Variants in CDC42BPA observed in about 807,000 individuals in gnomAD.
CDC42BPA encodes serine/threonine-protein kinase MRCK alpha.
Under a neutral mutation model 223.5 loss-of-function variants are expected in CDC42BPA, and 80 were observed. The observed-to-expected ratio is 0.36, with a 90% CI of 0.30 to 0.43. The LOEUF is 0.43. CDC42BPA is among the 20% of genes least tolerant of loss of function. CDC42BPA has a pLI of 1.00. For synonymous variants in CDC42BPA, 694 were observed against 718.6 expected (o/e 0.97, Z 0.55); for missense variants, 1,743 against 2,099.9 (o/e 0.83, Z 3.32).
intron 12 of CDC42BPA, among the ~76,000 whole-genome samples, chr1:227,114,971 G>A (rs1191021309): frequency 6.6e-6 from 1 of 152,012 alleles, no homozygotes; most frequent in African/African-American, 2.4e-5. Context: ...AGACTAGAGA[G>A]TAAACTAAAA....
At chr1:227,049,699 C>T (rs981897568) in intron 22 of CDC42BPA, among the ~76,000 whole-genome samples, 4 of 151,994 alleles carry the variant, frequency 2.6e-5, no homozygotes, top group African/African-American at 9.7e-5. Context: ...GCAGGAAAAA[C>T]CAAAAGAACA....
chr1:227,111,189 C>T (rs918933474), intron 14 of CDC42BPA, among the ~76,000 whole-genome samples: 3 of 152,118 alleles, frequency 2.0e-5, no homozygotes, highest in Non-Finnish European at 4.4e-5. Flanking sequence ...AGACACTAGA[C>T]TAAGCATGGT....
intron 6 of CDC42BPA, among the ~76,000 whole-genome samples, chr1:227,152,090 T>C (rs1267391895): frequency 6.6e-6 from 1 of 152,094 alleles, no homozygotes; most frequent in African/African-American, 2.4e-5. Context: ...TTGTTCTTTG[T>C]TGCTGACTTG....
At chr1:227,278,320 G>A (rs1380095909) in intron 1 of CDC42BPA, among the ~76,000 whole-genome samples, 1 of 152,122 alleles carries the variant, frequency 6.6e-6, no homozygotes, top group Non-Finnish European at 1.5e-5. Flanking sequence ...GATTGCGTAT[G>A]TGCTTTAAAT....
chr1:227,136,973 C>A (rs10799386), intron 10 of CDC42BPA, among the ~76,000 whole-genome samples: 141,639 of 152,150 alleles, frequency 0.93, 66,111 homozygotes, highest in South Asian at 0.98. Flanking sequence ...AAGCACCAAA[C>A]GGGTAAATAT....
At chr1:227,252,631 C>T (rs569546872) in intron 2 of CDC42BPA, among the ~76,000 whole-genome samples, 1 of 152,220 alleles carries the variant, frequency 6.6e-6, no homozygotes, top group East Asian at 1.9e-4. Context: ...TGCAAAGATC[C>T]TATCAACACA....
At chr1:227,139,776 T>G (rs767033148) in intron 9 of CDC42BPA, 34 bp from the exon 10 acceptor site, 2 of 1,345,738 alleles carry the variant, frequency 1.5e-6, no homozygotes, top group Admixed American at 2.7e-5. Context: ...AGGTTCATAC[T>G]GTGATAAAAA....
At chr1:227,162,614 T>C (rs1283945189) in intron 5 of CDC42BPA, among the ~76,000 whole-genome samples, 2 of 152,118 alleles carry the variant, frequency 1.3e-5, no homozygotes, top group Non-Finnish European at 2.9e-5. Context: ...GAGGATTACT[T>C]GAGCCCAGGA....
intron 23 of CDC42BPA, among the ~76,000 whole-genome samples, chr1:227,043,876 T>C (rs1671885832): frequency 6.6e-6 from 1 of 152,148 alleles, no homozygotes; most frequent in African/African-American, 2.4e-5. Context: ...GAAAGAGATT[T>C]TTCTGATGAA....
rs138183840 is a variant in CDC42BPA at position 227,184,212 on chromosome 1, A to G, written c.599+9574T>C. 4.3e-3 allele frequency among the ~76,000 whole-genome samples: 649 copies of G among 152,140 alleles called. 3 individuals are homozygous for G. The highest frequency in any genetic ancestry group is 6.4e-3 in the Non-Finnish European group (437 of 67,970). On this transcript the variant is annotated intron_variant, in intron 5 of 36. Transcript: ENST00000366766. ...TTTTAATTTTAATGAAGTCCCATTT[A>G]TTCATTTTTATTGATTTTTTTTGTC... is the stretch of plus-strand genomic sequence containing the variant.
intron 23 of CDC42BPA, among the ~76,000 whole-genome samples, chr1:227,041,840 C>T (rs1186050313): frequency 4.6e-5 from 7 of 152,104 alleles, no homozygotes; most frequent in Non-Finnish European, 8.8e-5. Flanking sequence ...TGCAACTGCT[C>T]CTATAGCTTC....
intron 6 of CDC42BPA, among the ~76,000 whole-genome samples, chr1:227,158,670 GTGTTAGC>G (rs1189058973): frequency 1.3e-5 from 2 of 152,142 alleles, no homozygotes; most frequent in African/African-American, 2.4e-5. Flanking sequence ...TGATACAAAG[GTGTTAGC>G]TGGCTCTCCA....
At position 227,212,092 on chromosome 1, in the gene CDC42BPA, GT is replaced by G. The variant is rs372804943; in HGVS notation, c.354+1043del. Among the ~76,000 whole-genome samples the G allele has an allele frequency of 2.7e-5, 4 of 150,194 alleles. No individual in the cohort carries two copies. The East Asian group carries it at 5.8e-4, about 22-fold the overall frequency. On this transcript the variant is annotated intron_variant, in intron 3 of 36. Transcript: ENST00000366766. The stretch of plus-strand genomic sequence containing the variant: ...CACTTCTGAGGGTTTTTGTTTGTTT[GT>G]TTTTTTTAGTTTAAAAAAAAAAACT...
At position 227,139,655 on chromosome 1, in the gene CDC42BPA, G is replaced by A. The variant is rs754252697; in HGVS notation, c.1311C>T (p.Asn437=). 7.4e-6 allele frequency: 12 copies of A among 1,611,540 alleles called. No homozygotes were observed. In the African/African-American group the frequency reaches 1.5e-4, roughly 20 times the overall value. Reference sequence around the variant, plus strand: ...TTTCATAAGCTTCAGTTGCTAAGTTGTTGTCTAGAGTCCTCTGAACATTAA... The same window carrying A: ...TTTCATAAGCTTCAGTTGCTAAGTTATTGTCTAGAGTCCTCTGAACATTAA... ...LDVNVQRTLD[N]NLATEAYERR... The change falls in exon 10 of 37, where the codon AAC becomes AAT. Residue 437 remains asparagine (N), a synonymous_variant. Coordinates refer to ENST00000366766, the MANE Select transcript of CDC42BPA (RefSeq NM_001394014.1).
chr1:227,016,554 C>T (rs1217736334), intron 33 of CDC42BPA, among the ~76,000 whole-genome samples: 1 of 152,144 alleles, frequency 6.6e-6, no homozygotes, highest in Admixed American at 6.5e-5. Flanking sequence ...TACAGTCCTA[C>T]TTCTGTTTGC....
At chr1:227,105,318 C>T (rs2149341813) in intron 14 of CDC42BPA, among the ~76,000 whole-genome samples, 1 of 151,088 alleles carries the variant, frequency 6.6e-6, no homozygotes, top group African/African-American at 2.4e-5. Context: ...ACCCTGGTAA[C>T]CTCTATTCTA....
At chr1:227,263,709 G>C (rs1165984946) in intron 1 of CDC42BPA, among the ~76,000 whole-genome samples, 1 of 151,620 alleles carries the variant, frequency 6.6e-6, no homozygotes, top group African/African-American at 2.4e-5. Flanking sequence ...AGGCTCCCAA[G>C]TAGCTGGGAT....
chr1:227,139,365 C>T (rs1001010301), intron 10 of CDC42BPA, among the ~76,000 whole-genome samples: 2 of 152,096 alleles, frequency 1.3e-5, no homozygotes, highest in African/African-American at 2.4e-5. Context: ...TATGTACCCA[C>T]AGGAGACCAA....
chr1:227,183,620 C>T (rs936595392), intron 5 of CDC42BPA, among the ~76,000 whole-genome samples: 9 of 152,084 alleles, frequency 5.9e-5, no homozygotes, highest in African/African-American at 2.2e-4. Flanking sequence ...GTGTTGTTTC[C>T]GGTATTCTGC....
Sources: allele counts gnomAD v4.1 joint callset (sites outside exome capture counted in the v4.1 genomes callset), GRCh38; gene constraint gnomAD v4.1.1; transcripts MANE v1.5; gene names NCBI Gene and HGNC (gene_info 2026-07-23, HGNC 2026-07-21).